SGCB: variants seen among roughly 807,000 people sequenced by gnomAD.
SGCB encodes beta-sarcoglycan.
In SGCB, 25 loss-of-function variants were observed where a neutral mutation model predicts 27.3. The observed-to-expected ratio is 0.92, with a 90% CI of 0.67 to 1.28. The LOEUF (loss-of-function observed/expected upper bound fraction) is 1.28, where lower values mean the gene tolerates loss of function less well. Ranked by LOEUF, SGCB falls within the 50% of genes most tolerant of loss-of-function variation. The probability of loss-of-function intolerance (pLI) is 0.00; values close to 1 mark genes in which losing one functional copy is unlikely to be tolerated. For missense variants in SGCB, 436 were observed against 402.1 expected (o/e 1.08, Z -0.72); for synonymous variants, 147 against 133.5 (o/e 1.10, Z -0.70).
Position 52,023,599 on chromosome 4 carries a change from C to T in SGCB, c.*358G>A, listed in dbSNP as rs1292656069. The T allele has an allele frequency of 1.8e-5, 5 of 285,084 alleles. No homozygotes were observed. In the Admixed American group the frequency reaches 2.4e-4, roughly 14 times the overall value. The allele number at this position is 285,084 out of a possible 1,614,324, so 17.7% of individuals were successfully genotyped here. On this transcript the variant is annotated 3_prime_UTR_variant, in exon 6 of 6. Transcript: ENST00000381431. ...TTAAATATCTTAAGTGGGTCTATCC[C>T]CATTAGAGTTACCAAAGTTTACTTA...
At chr4:52,032,293 A>G (rs1737269565) in intron 2 of SGCB, among the ~76,000 whole-genome samples, 1 of 152,210 alleles carries the variant, frequency 6.6e-6, no homozygotes, top group Admixed American at 6.5e-5. Context: ...GGGTTCTACA[A>G]GGTACTTCCA....
chr4:52,032,018 CT>C (rs1485827509), intron 2 of SGCB: 3 of 451,884 alleles, frequency 6.6e-6, no homozygotes, highest in Non-Finnish European at 1.3e-5. Flanking sequence ...AGGACCCAGA[CT>C]TTCCTGTTTC....
rs1057521057 is a variant in SGCB at position 52,038,275 on chromosome 4, G to A, written c.-16C>T. ...CTGCCGCCATCTTCCCGCGCCCGCCGCCGCCGAGCTCCCCGCCCGACTGTG... is the reference window on the plus strand; with the variant it reads ...CTGCCGCCATCTTCCCGCGCCCGCCACCGCCGAGCTCCCCGCCCGACTGTG... On this transcript the variant is annotated 5_prime_UTR_variant, in exon 1 of 6. Coordinates refer to ENST00000381431, the MANE Select transcript of SGCB (RefSeq NM_000232.5). 5 of 1,292,546 alleles carry A rather than the reference G, an allele frequency of 3.9e-6. No homozygotes were observed. The highest frequency in any genetic ancestry group is 6.2e-5 in the Admixed American group (2 of 32,152). 80.1% of individuals were successfully genotyped at this position (1,292,546 alleles called of 1,614,324 possible). A position where few individuals can be genotyped will look rare whatever the true frequency, so the allele number is the denominator to read the frequency against.
chr4:52,028,995 TAAAAATTAC>T lies in SGCB; in HGVS notation c.430-83_430-75del, dbSNP rs2109371232. 9 of 1,124,158 alleles carry T rather than the reference TAAAAATTAC, an allele frequency of 8.0e-6. No homozygotes were observed. In the South Asian group the frequency reaches 1.1e-4, roughly 14 times the overall value. The allele number at this position is 1,124,158 out of a possible 1,614,324, so 69.6% of individuals were successfully genotyped here. ...AACAAAATTCCTGAACAATATATTT[TAAAAATTAC>T]AAAAATTACAGAAATTTAAAAACCC... On this transcript the variant is annotated intron_variant, in intron 3 of 5. Transcript: ENST00000381431.
Position 52,021,827 on chromosome 4 carries a change from TA to T in SGCB, c.*2129del, listed in dbSNP as rs767446127. 6.6e-5 allele frequency: 10 copies of T among 152,196 alleles called. No individual in the cohort carries two copies. The highest frequency in any genetic ancestry group is 1.2e-4 in the Non-Finnish European group (8 of 68,018). 9.4% of individuals were successfully genotyped at this position (152,196 alleles called of 1,614,324 possible). On this transcript the variant is annotated 3_prime_UTR_variant, in exon 6 of 6. Coordinates refer to ENST00000381431, the MANE Select transcript of SGCB (RefSeq NM_000232.5). ...CTATGGCTGTTAACCTTCAGTTGTA[TA>T]AAAACATCAAAATAGCCTCTCCTCT...
rs893460824 is a variant in SGCB, at chr4:52,028,891, T to C, written c.460A>G (p.Ser154Gly). Residue 154 changes from serine (S) to glycine (G), a missense_variant, in exon 4 of 6, where the codon AGT becomes GGT. Transcript: ENST00000381431. ...IVFQQGTTKL[S>G]VENNKTSITS... is the part of the protein sequence containing the mutation. The stretch of plus-strand genomic sequence containing the variant: ...ATAGAAGTTTTGTTGTTTTCTACAC[T>C]GAGCTTTGTTGTCCCTTGCTGAAAA... The C allele has an allele frequency of 1.9e-6, 3 of 1,613,974 alleles. No individual in the cohort carries two copies. Among genetic ancestry groups the C allele is most frequent in the Middle Eastern group, 3.3e-4 (2 of 6,062 alleles).
At position 52,022,180 on chromosome 4, in the gene SGCB, C is replaced by T. The variant is rs2110208328; in HGVS notation, c.*1777G>A. ...AAGTGGTTATAAATCTCATTCTTTTCATTTAAAAACAGCGCTCAGTGTTAG... is the reference window on the plus strand; with the variant it reads ...AAGTGGTTATAAATCTCATTCTTTTTATTTAAAAACAGCGCTCAGTGTTAG... On this transcript the variant is annotated 3_prime_UTR_variant, in exon 6 of 6. Coordinates refer to ENST00000381431, the MANE Select transcript of SGCB (RefSeq NM_000232.5). 6.6e-6 allele frequency: 1 copy of T among 152,260 alleles called. No homozygotes were observed. Among genetic ancestry groups the T allele is most frequent in the South Asian group, 2.1e-4 (1 of 4,822 alleles). 9.4% of individuals were successfully genotyped at this position (152,260 alleles called of 1,614,324 possible).
intron 1 of SGCB, among the ~76,000 whole-genome samples, chr4:52,034,660 T>C (rs1207016420): frequency 6.6e-6 from 1 of 152,126 alleles, no homozygotes; most frequent in Non-Finnish European, 1.5e-5. Context: ...TTTTCATTTA[T>C]ATGAAAATAA....
intron 1 of SGCB, among the ~76,000 whole-genome samples, chr4:52,036,793 A>C (rs1737404792): frequency 6.6e-6 from 1 of 152,256 alleles, no homozygotes; most frequent in African/African-American, 2.4e-5. Flanking sequence ...TCTCAAGCCC[A>C]GGACAGCAGA....
intron 2 of SGCB, among the ~76,000 whole-genome samples, chr4:52,030,292 T>C (rs1320077766): frequency 3.3e-5 from 5 of 152,186 alleles, no homozygotes; most frequent in Admixed American, 2.6e-4. Context: ...ATTTAGGTTT[T>C]ATTATTAATT....
chr4:52,035,685 G>A (rs1737370920), intron 1 of SGCB, among the ~76,000 whole-genome samples: 1 of 152,132 alleles, frequency 6.6e-6, no homozygotes, highest in Non-Finnish European at 1.5e-5. Flanking sequence ...GAGGATTGAG[G>A]TTAAGAGGAC....
chr4:52,026,412 C>G (rs1328966996), intron 5 of SGCB, among the ~76,000 whole-genome samples: 1 of 151,774 alleles, frequency 6.6e-6, no homozygotes, highest in East Asian at 1.9e-4. Flanking sequence ...GCGCCCGCCA[C>G]CACGCCCAGG....
chr4:52,027,920 G>A, intron 5 of SGCB, 48 bp downstream of exon 5: 2 of 1,538,688 alleles, frequency 1.3e-6, no homozygotes, highest in Non-Finnish European at 1.8e-6. Flanking sequence ...ATGGATTTAT[G>A]TACCCAAGAA....
At position 52,037,535 on chromosome 4, in the gene SGCB, G is replaced by A. The variant is rs761299341; in HGVS notation, c.33+692C>T. Among the ~76,000 whole-genome samples, 108 of 152,204 alleles carry A rather than the reference G, an allele frequency of 7.1e-4. 1 individual carries two copies. Among genetic ancestry groups the A allele is most frequent in the Non-Finnish European group, 8.5e-4 (58 of 68,026 alleles). On this transcript the variant is annotated intron_variant, in intron 1 of 5. Transcript: ENST00000381431. ...TACAATAAATCACCCTAGCGATTACGTGTATGTATATATTAACACACACAC... is the reference window on the plus strand; with the variant it reads ...TACAATAAATCACCCTAGCGATTACATGTATGTATATATTAACACACACAC...
At chr4:52,035,166 C>G (rs1172007505) in intron 1 of SGCB, among the ~76,000 whole-genome samples, 1 of 152,158 alleles carries the variant, frequency 6.6e-6, no homozygotes, top group Non-Finnish European at 1.5e-5. Context: ...TTTCTTAAAG[C>G]TCTGAGAAAA....
rs1339077768 is a variant in SGCB at position 52,021,196 on chromosome 4, C to T, written c.*2761G>A. ...AATTGAAACTAGCATGTACCTGCGC[C>T]CCCTCCCGGGGTCCTATCTTTGTCA... On this transcript the variant is annotated 3_prime_UTR_variant, in exon 6 of 6. Transcript: ENST00000381431. 2 of 152,166 alleles carry T rather than the reference C, an allele frequency of 1.3e-5. No homozygotes were observed. The highest frequency in any genetic ancestry group is 2.9e-5 in the Non-Finnish European group (2 of 68,066). The allele number at this position is 152,166 out of a possible 1,614,324, so 9.4% of individuals were successfully genotyped here.
chr4:52,034,172 A>C lies in SGCB; in HGVS notation c.34-532T>G, dbSNP rs1737322477. The stretch of plus-strand genomic sequence containing the variant: ...TGGTGAAACCCTGTCTCTACTAAAA[A>C]CACAAGAAAATTAGCTGGGCATGGT... On this transcript the variant is annotated intron_variant, in intron 1 of 5. Transcript: ENST00000381431. Among the ~76,000 whole-genome samples, 6 of 150,006 alleles carry C rather than the reference A, an allele frequency of 4.0e-5. No homozygotes were observed. In the South Asian group the frequency reaches 1.3e-3, roughly 32 times the overall value.
chr4:52,027,901 A>C, intron 5 of SGCB, 67 bp downstream of exon 5: 2 of 1,382,590 alleles, frequency 1.4e-6, no homozygotes, highest in African/African-American at 1.4e-5. Flanking sequence ...ATTGTATACT[A>C]TTCCACATAT....
chr4:52,028,087 C>T lies in SGCB; in HGVS notation c.634G>A (p.Ala212Thr). 6.2e-7 allele frequency: 1 copy of T among 1,612,504 alleles called. No homozygotes were observed. Among genetic ancestry groups the T allele is most frequent in the Non-Finnish European group, 8.5e-7 (1 of 1,178,712 alleles). The change falls in exon 5 of 6, where the codon GCT (alanine) becomes ACT (threonine). Residue 212 changes from alanine to threonine, a missense_variant. Transcript: ENST00000381431. ...KASTERITSN[A>T]TSDLNIKVDG... The stretch of plus-strand genomic sequence containing the variant: ...ACTTTTATATTTAAATCACTGGTAG[C>T]ATTGCTGGTAATCTGAAAATTTAAA...
Sources: allele counts gnomAD v4.1 joint callset (sites outside exome capture counted in the v4.1 genomes callset), GRCh38; gene constraint gnomAD v4.1.1; transcripts MANE v1.5; gene names NCBI Gene and HGNC (gene_info 2026-07-23, HGNC 2026-07-21).